Variants in TAB2 observed in about 807,000 individuals in gnomAD.
The protein encoded by TAB2 is TGF-beta activated kinase 1 (MAP3K7) binding protein 2, also known as TGF-beta-activated kinase 1 and MAP3K7-binding protein 2.
Under a neutral mutation model 65.0 loss-of-function variants are expected in TAB2, and 3 were observed. That is an observed-to-expected ratio of 0.05 (90% CI 0.02 to 0.12). The LOEUF is 0.12. Ranked by LOEUF, TAB2 falls within the 10% of genes least tolerant of loss-of-function variation. The pLI, the probability that TAB2 is intolerant of heterozygous loss-of-function variation, is 1.00. For synonymous variants in TAB2, 298 were observed against 285.1 expected, an observed-to-expected ratio of 1.05 and a Z score of -0.46; for missense variants, 623 against 840.3, an observed-to-expected ratio of 0.74 and a Z score of 3.20.
rs75793334 is a variant in TAB2 at position 149,296,255 on chromosome 6, C to G, written c.-121+77479C>G. Reference sequence around the variant, plus strand: ...GCTGGTTGTCTTGCTTGTGGTTGACCCCCAGGTTGTAGCCCTTTGAAGTCT... The same window carrying G: ...GCTGGTTGTCTTGCTTGTGGTTGACGCCCAGGTTGTAGCCCTTTGAAGTCT... On this transcript the variant is annotated intron_variant, in intron 1 of 1. Transcript: ENST00000606202. 4.8e-3 allele frequency among the ~76,000 whole-genome samples: 737 copies of G among 152,268 alleles called. 8 individuals carry two copies. The highest frequency in any genetic ancestry group is 0.017 in the African/African-American group (686 of 41,540).
At chr6:149,316,531 G>A (rs1449744366), upstream of TAB2, among the ~76,000 whole-genome samples, 2 of 152,178 alleles carry the variant, frequency 1.3e-5, no homozygotes, top group East Asian at 1.9e-4. Context: ...TTTTGGACAG[G>A]GGCAGAAAAA....
At chr6:149,220,418 A>G (rs1777117107) in intron 1 of TAB2, among the ~76,000 whole-genome samples, 1 of 152,226 alleles carries the variant, frequency 6.6e-6, no homozygotes, top group Non-Finnish European at 1.5e-5. Context: ...CACTATGAAT[A>G]CACACACGAT....
intron 1 of TAB2, among the ~76,000 whole-genome samples, chr6:149,309,675 G>A (rs1341146296): frequency 6.6e-6 from 1 of 151,786 alleles, no homozygotes; most frequent in Non-Finnish European, 1.5e-5. Flanking sequence ...GGGATTACAG[G>A]CGTGAGCCAC....
At chr6:149,256,133 A>AG (rs1198000750) in intron 1 of TAB2, among the ~76,000 whole-genome samples, 1 of 152,228 alleles carries the variant, frequency 6.6e-6, no homozygotes, top group Non-Finnish European at 1.5e-5. Context: ...AAAGAAGGAA[A>AG]GTTAATTTTA....
chr6:149,389,567 C>A (rs1295685091), intron 3 of TAB2, among the ~76,000 whole-genome samples: 2 of 150,696 alleles, frequency 1.3e-5, no homozygotes, highest in Admixed American at 6.6e-5. Flanking sequence ...ATCACTTGAA[C>A]CTGGGAGGTG....
At chr6:149,390,543 G>A (rs139297972) in intron 3 of TAB2, among the ~76,000 whole-genome samples, 1 of 152,250 alleles carries the variant, frequency 6.6e-6, no homozygotes, top group East Asian at 1.9e-4. Flanking sequence ...GGAACTTCAA[G>A]AGTGTTTTTT....
chr6:149,278,197 C>A (rs1778512326), intron 1 of TAB2, among the ~76,000 whole-genome samples: 1 of 152,082 alleles, frequency 6.6e-6, no homozygotes, highest in Non-Finnish European at 1.5e-5. Flanking sequence ...ATTATTTGTA[C>A]CTGTTGTAAT....
At chr6:149,376,703 T>C (rs1362837854) in intron 2 of TAB2, among the ~76,000 whole-genome samples, 1 of 152,236 alleles carries the variant, frequency 6.6e-6, no homozygotes, top group Non-Finnish European at 1.5e-5. Flanking sequence ...TCATGTTACC[T>C]TTTCAGAAAT....
At chr6:149,328,122 C>T (rs1779672158) in intron 1 of TAB2, among the ~76,000 whole-genome samples, 2 of 152,182 alleles carry the variant, frequency 1.3e-5, no homozygotes, top group Non-Finnish European at 2.9e-5. Flanking sequence ...GTCATCTTAA[C>T]CAAACCAAGC....
intron 1 of TAB2, among the ~76,000 whole-genome samples, chr6:149,355,906 A>G (rs1241305378): frequency 6.6e-6 from 1 of 152,184 alleles, no homozygotes; most frequent in African/African-American, 2.4e-5. Context: ...TCCAGAAATA[A>G]AGAAACCTCC....
intron 6 of TAB2, among the ~76,000 whole-genome samples, chr6:149,403,825 A>G (rs118185922): frequency 0.028 from 4,300 of 152,138 alleles, 98 homozygotes; most frequent in South Asian, 0.069. Flanking sequence ...ACTCAGAGCA[A>G]TATCTCACTC....
intron 1 of TAB2, among the ~76,000 whole-genome samples, chr6:149,260,389 G>A (rs192614567): frequency 1.6e-4 from 24 of 152,344 alleles, no homozygotes; most frequent in East Asian, 5.8e-4. Context: ...TGGGGAGTGC[G>A]GTACAAGGCC....
chr6:149,370,817 G>A (rs913524509), intron 2 of TAB2, among the ~76,000 whole-genome samples: 5 of 151,974 alleles, frequency 3.3e-5, no homozygotes, highest in Admixed American at 1.3e-4. Flanking sequence ...TGTAATCCCA[G>A]CACTTTGGGA....
At chr6:149,242,372 C>A (rs566240480) in intron 1 of TAB2, among the ~76,000 whole-genome samples, 50 of 152,218 alleles carry the variant, frequency 3.3e-4, no homozygotes, top group African/African-American at 1.1e-3. Flanking sequence ...AGAAAGTAAC[C>A]TTTAAGTATA....
intron 1 of TAB2, among the ~76,000 whole-genome samples, chr6:149,326,373 C>A (rs373358607): frequency 6.6e-6 from 1 of 151,748 alleles, no homozygotes; most frequent in East Asian, 1.9e-4. Context: ...ATCTCTTAGC[C>A]TAGAGGTAAT....
At chr6:149,287,316 A>G (rs1416784908) in intron 1 of TAB2, among the ~76,000 whole-genome samples, 1 of 152,208 alleles carries the variant, frequency 6.6e-6, no homozygotes, top group Non-Finnish European at 1.5e-5. Context: ...TAGAGAAACA[A>G]TAAGCACTGT....
intron 3 of TAB2, among the ~76,000 whole-genome samples, chr6:149,381,740 CTT>C (rs1781617363): frequency 2.6e-5 from 4 of 151,804 alleles, no homozygotes; most frequent in African/African-American, 4.8e-5. Flanking sequence ...ATCCAGCTAA[CTT>C]TTTGTATTTT....
intron 1 of TAB2, among the ~76,000 whole-genome samples, chr6:149,266,197 A>G (rs1171058072): frequency 2.6e-5 from 4 of 152,202 alleles, no homozygotes; most frequent in Non-Finnish European, 5.9e-5. Flanking sequence ...GGATGTGTGA[A>G]CCGTACAAGG....
chr6:149,390,590 T>C (rs1295588302), intron 3 of TAB2, among the ~76,000 whole-genome samples: 1 of 152,200 alleles, frequency 6.6e-6, no homozygotes, highest in East Asian at 1.9e-4. Context: ...AGAAATTTTC[T>C]CCATTGTTCG....
Sources: allele counts gnomAD v4.1 joint callset (sites outside exome capture counted in the v4.1 genomes callset), GRCh38; gene constraint gnomAD v4.1.1; transcripts MANE v1.5; gene names NCBI Gene and HGNC (gene_info 2026-07-23, HGNC 2026-07-21).